S100A8: variants seen among roughly 807,000 people sequenced by gnomAD.
S100A8 encodes the protein protein S100-A8.
A neutral mutation model predicts 4.2 loss-of-function variants in S100A8; 1 was observed. The observed-to-expected ratio is 0.24, with a 90% CI of 0.08 to 1.12. S100A8 has a LOEUF of 1.12. S100A8 is among the 50% of genes most tolerant of loss of function. The probability of loss-of-function intolerance (pLI) is 0.53; values close to 1 mark genes in which losing one functional copy is unlikely to be tolerated. For synonymous variants in S100A8, 41 were observed against 44.7 expected (o/e 0.92, Z 0.33); for missense variants, 96 against 111.8 (o/e 0.86, Z 0.64).
chr1:153,410,243 A>G, the S100A8 span, among the ~76,000 whole-genome samples: 1 of 152,234 alleles, frequency 6.6e-6, no homozygotes, highest in South Asian at 2.1e-4. Flanking sequence ...CAAGACTAAT[A>G]AAGAAGAAAA....
upstream of S100A8, among the ~76,000 whole-genome samples, chr1:153,395,932 T>C (rs1391861881): frequency 6.6e-6 from 1 of 152,270 alleles, no homozygotes; most frequent in Non-Finnish European, 1.5e-5. Flanking sequence ...CTTGGGGCTC[T>C]CTTTCAGAGC....
chr1:153,414,138 A>G, the S100A8 span, among the ~76,000 whole-genome samples: 1 of 152,208 alleles, frequency 6.6e-6, no homozygotes, highest in African/African-American at 2.4e-5. Flanking sequence ...CTACATGCAA[A>G]ACATAATATT....
At chr1:153,417,039 T>C in the S100A8 span, among the ~76,000 whole-genome samples, 1 of 152,278 alleles carries the variant, frequency 6.6e-6, no homozygotes, top group Non-Finnish European at 1.5e-5. Flanking sequence ...CCTCTGGCCT[T>C]GGCCTTGGCC....
At chr1:153,399,482 C>T in the S100A8 span, among the ~76,000 whole-genome samples, 1 of 152,172 alleles carries the variant, frequency 6.6e-6, no homozygotes, top group African/African-American at 2.4e-5. Context: ...TTAACTACAT[C>T]TCCCTGGGGT....
At chr1:153,398,351 G>A in the S100A8 span, among the ~76,000 whole-genome samples, 2 of 152,216 alleles carry the variant, frequency 1.3e-5, no homozygotes, top group Non-Finnish European at 2.9e-5. Context: ...GGAAGGGGAA[G>A]TAATGTTTCC....
the S100A8 span, among the ~76,000 whole-genome samples, chr1:153,409,896 A>G: frequency 6.6e-6 from 1 of 152,368 alleles, no homozygotes; most frequent in Admixed American, 6.5e-5. Context: ...ACATAATGAA[A>G]TGAAGGCAGA....
intron 1 of S100A8, 144 bp downstream of exon 1, chr1:153,390,897 T>A: frequency 1.9e-6 from 1 of 523,974 alleles, no homozygotes; most frequent in Non-Finnish European, 2.5e-6. Context: ...TCCTTATCCC[T>A]GCCTCACTCC....
chr1:153,390,794 C>T, intron 1 of S100A8: 1 of 565,774 alleles, frequency 1.8e-6, no homozygotes, highest in African/African-American at 1.9e-5. Context: ...GGCCCGTAGA[C>T]TTTCCTTACC....
the S100A8 span, chr1:153,416,594 A>G: frequency 2.2e-6 from 1 of 463,668 alleles, no homozygotes; most frequent in Non-Finnish European, 4.3e-6. Flanking sequence ...TGCATTTTCT[A>G]GAAGTGCCCA....
the S100A8 span, among the ~76,000 whole-genome samples, chr1:153,397,652 A>C: frequency 6.6e-6 from 1 of 152,080 alleles, no homozygotes; most frequent in Non-Finnish European, 1.5e-5. Context: ...GGGCATGAGG[A>C]CCAGTGTGAA....
chr1:153,403,497 G>T, the S100A8 span, among the ~76,000 whole-genome samples: 1 of 152,202 alleles, frequency 6.6e-6, no homozygotes, highest in Middle Eastern at 3.4e-3. Flanking sequence ...CACGACTCTT[G>T]CTCAAAACAA....
chr1:153,394,296 C>G (rs575852725), upstream of S100A8, among the ~76,000 whole-genome samples: 1 of 152,140 alleles, frequency 6.6e-6, no homozygotes, highest in South Asian at 2.1e-4. Context: ...AGGCTGGGTG[C>G]CCCTGCTTCG....
chr1:153,411,466 C>T, the S100A8 span, among the ~76,000 whole-genome samples: 11 of 152,162 alleles, frequency 7.2e-5, no homozygotes, highest in African/African-American at 2.7e-4. Context: ...AACCACTGCT[C>T]AACGAAATAA....
At chr1:153,410,961 G>A in the S100A8 span, among the ~76,000 whole-genome samples, 1,661 of 152,204 alleles carry the variant, frequency 0.011, 30 homozygotes, top group African/African-American at 0.038. Context: ...AATAAATTCG[G>A]TATTGATGGG....
the S100A8 span, among the ~76,000 whole-genome samples, chr1:153,411,358 C>T: frequency 7.2e-5 from 11 of 152,190 alleles, no homozygotes; most frequent in African/African-American, 2.7e-4. Context: ...AGAGCCAAAT[C>T]ATGAGTGAAC....
the S100A8 span, among the ~76,000 whole-genome samples, chr1:153,403,202 A>G: frequency 3.9e-3 from 595 of 152,316 alleles, 4 homozygotes; most frequent in African/African-American, 0.013. Flanking sequence ...TTTTCTTCTA[A>G]GAGTTTTAGT....
the S100A8 span, among the ~76,000 whole-genome samples, chr1:153,398,626 C>A: frequency 6.6e-6 from 1 of 152,214 alleles, no homozygotes; most frequent in African/African-American, 2.4e-5. Context: ...GACAAGATCA[C>A]CCTGTCAGAT....
the S100A8 span, among the ~76,000 whole-genome samples, chr1:153,401,896 G>A: frequency 6.6e-6 from 1 of 151,980 alleles, no homozygotes; most frequent in South Asian, 2.1e-4. Context: ...TCTTACCAGT[G>A]TATATCTATT....
the S100A8 span, among the ~76,000 whole-genome samples, chr1:153,399,391 C>CACAAATGGG: frequency 6.6e-6 from 1 of 152,172 alleles, no homozygotes; most frequent in African/African-American, 2.4e-5. Context: ...ATCTAAGAAT[C>CACAAATGGG]ACAAAAGGTC....
Sources: gnomAD v4.1 joint callset for allele counts (sites outside exome capture counted in the v4.1 genomes callset) on GRCh38, gnomAD v4.1.1 for gene constraint, MANE v1.5 for transcripts, NCBI Gene and HGNC (gene_info 2026-07-23, HGNC 2026-07-21) for gene names.